LIMD1: variants seen among roughly 807,000 people sequenced by gnomAD.
LIMD1 encodes the protein LIM domain containing 1, also known as LIM domain-containing protein 1.
A neutral mutation model predicts 58.4 loss-of-function variants in LIMD1; 23 were observed. The observed-to-expected ratio is 0.39, with a 90% CI of 0.28 to 0.56. The LOEUF is 0.56. Ranked by LOEUF, LIMD1 falls within the 20% of genes least tolerant of loss-of-function variation. The probability of loss-of-function intolerance (pLI) is 0.57; values close to 1 mark genes in which losing one functional copy is unlikely to be tolerated. For synonymous variants in LIMD1, 334 were observed against 345.5 expected (o/e 0.97, Z 0.37); for missense variants, 838 against 855.5 (o/e 0.98, Z 0.25).
Position 45,672,792 on chromosome 3 carries a change from A to C in LIMD1, c.1744A>C (p.Lys582Gln), listed in dbSNP as rs1187951938. Residue 582 changes from lysine (K) to glutamine (Q), a missense_variant, in exon 5 of 8, where the codon AAG (lysine) becomes CAG (glutamine). Around this residue, in one of 3 missense-constraint regions of LIMD1, gnomAD observed 174 missense variants for 197.4 expected, o/e 0.88. Transcript: ENST00000273317. ...GCCCTTCACCGTGGACTCAGAGAAC[A>C]AGATCTACTGTGTCCGAGATTACCA... ...GVPFTVDSEN[K>Q]IYCVRDYHKV... is the part of the protein sequence containing the mutation. 1 of 1,614,022 alleles carries C rather than the reference A, an allele frequency of 6.2e-7. No homozygotes were observed. Among genetic ancestry groups the C allele is most frequent in the Non-Finnish European group, 8.5e-7 (1 of 1,179,954 alleles).
Position 45,672,818 on chromosome 3 carries a change from C to A in LIMD1, c.1770C>A (p.His590Gln), listed in dbSNP as rs763065171. The change falls in exon 5 of 8, where the codon CAC (histidine) becomes CAA (glutamine). Residue 590 changes from histidine to glutamine, a missense_variant and splice_region_variant. Around this residue, in one of 3 missense-constraint regions of LIMD1, gnomAD observed 174 missense variants for 197.4 expected, o/e 0.88. Transcript: ENST00000273317. ...ENKIYCVRDY[H>Q]KVLAPKCAAC... is the part of the protein sequence containing the mutation. ...AGATCTACTGTGTCCGAGATTACCACAAGTAAGAAGGGATGGGAGCAGACA... is the reference window on the plus strand; with the variant it reads ...AGATCTACTGTGTCCGAGATTACCAAAAGTAAGAAGGGATGGGAGCAGACA... 28 of 1,613,540 alleles carry A rather than the reference C, an allele frequency of 1.7e-5. No individual in the cohort carries two copies. Among genetic ancestry groups the A allele is most frequent in the Non-Finnish European group, 2.3e-5 (27 of 1,179,760 alleles).
At chr3:45,596,434 T>C (rs1701353396) in intron 1 of LIMD1, 147 bp downstream of exon 1, 2 of 672,258 alleles carry the variant, frequency 3.0e-6, no homozygotes, top group African/African-American at 1.8e-5. Context: ...GGGCTTCCTC[T>C]TTCAGCTGCT....
rs553774362 is a variant in LIMD1 at position 45,654,275 on chromosome 3, A to G, written c.1511-11375A>G. Among the ~76,000 whole-genome samples the G allele has an allele frequency of 5.3e-5, 8 of 151,494 alleles. No individual in the cohort carries two copies. The South Asian group carries it at 1.3e-3, about 25-fold the overall frequency. On this transcript the variant is annotated intron_variant, in intron 2 of 7. Coordinates refer to ENST00000273317, the MANE Select transcript of LIMD1 (RefSeq NM_014240.3). ...GGAAACCCTTGCATTTTTACTTCTC[A>G]GGGAGATATTTTGGAACTGAAATTT...
intron 1 of LIMD1, among the ~76,000 whole-genome samples, chr3:45,613,766 G>A (rs1304775658): frequency 6.6e-6 from 1 of 151,736 alleles, no homozygotes; most frequent in Non-Finnish European, 1.5e-5. Context: ...CTAAAGTGCT[G>A]GAATTATAGG....
rs546732734 is a variant in LIMD1 at position 45,656,664 on chromosome 3, C to T, written c.1511-8986C>T. ...TCCTGAGTAGCTGGGATTACAGGCA[C>T]GCACCACCACACCCAGCTGGTTTTT... is the stretch of plus-strand genomic sequence containing the variant. On this transcript the variant is annotated intron_variant, in intron 2 of 7. Coordinates refer to ENST00000273317, the MANE Select transcript of LIMD1 (RefSeq NM_014240.3). Among the ~76,000 whole-genome samples the T allele has an allele frequency of 5.6e-3, 858 of 152,096 alleles. 6 individuals are homozygous for T. The highest frequency in any genetic ancestry group is 0.02 in the African/African-American group (811 of 41,490).
chr3:45,625,008 T>C (rs61326571), intron 1 of LIMD1, among the ~76,000 whole-genome samples: 6,994 of 152,064 alleles, frequency 0.046, 193 homozygotes, highest in East Asian at 0.14. Flanking sequence ...GGGTAACTTA[T>C]TTCACGTGGA....
chr3:45,628,007 CAAAAAAA>C (rs56711723), intron 1 of LIMD1, among the ~76,000 whole-genome samples: 1 of 111,614 alleles, frequency 9.0e-6, no homozygotes, highest in African/African-American at 3.4e-5. Flanking sequence ...GACCCCATCT[CAAAAAAA>C]AAAAAGAAAA....
chr3:45,652,837 T>C (rs954111250), intron 2 of LIMD1, among the ~76,000 whole-genome samples: 1 of 152,228 alleles, frequency 6.6e-6, no homozygotes, highest in Non-Finnish European at 1.5e-5. Flanking sequence ...GGGTTGTCTC[T>C]GTGTGCAGTA....
chr3:45,626,966 T>A (rs940962812), intron 1 of LIMD1, among the ~76,000 whole-genome samples: 1 of 152,104 alleles, frequency 6.6e-6, no homozygotes, highest in African/African-American at 2.4e-5. Context: ...TATCATTTTT[T>A]AAAAATAATT....
rs1366790199 is a variant in LIMD1, at chr3:45,682,132, CTCATAG to C, written c.*5080_*5085del. The C allele has an allele frequency of 2.0e-5, 3 of 152,166 alleles. No individual in the cohort carries two copies. The East Asian group carries it at 5.8e-4, about 29-fold the overall frequency. 9.4% of individuals were successfully genotyped at this position (152,166 alleles called of 1,614,324 possible). On this transcript the variant is annotated 3_prime_UTR_variant, in exon 8 of 8. Transcript: ENST00000273317. ...CACGGGAAAGCTGGGAGTGAGGATA[CTCATAG>C]TCATAGCACCTTACACCAGAATAAA...
intron 1 of LIMD1, among the ~76,000 whole-genome samples, chr3:45,624,076 T>C (rs1199307459): frequency 6.6e-6 from 1 of 152,234 alleles, no homozygotes; most frequent in Non-Finnish European, 1.5e-5. Flanking sequence ...TGCCCAGAGC[T>C]GTCCAGGTAC....
intron 2 of LIMD1, among the ~76,000 whole-genome samples, chr3:45,642,744 A>G (rs915442071): frequency 3.9e-5 from 6 of 152,382 alleles, no homozygotes; most frequent in Middle Eastern, 6.8e-3. Context: ...CCCAGCCAGC[A>G]TCTTCGTGCA....
intron 2 of LIMD1, among the ~76,000 whole-genome samples, chr3:45,637,530 C>T (rs143861721): frequency 0.02 from 3,058 of 152,294 alleles, 106 homozygotes; most frequent in African/African-American, 0.069. Flanking sequence ...CCACCCACCT[C>T]GGCCTCCCAA....
At position 45,625,607 on chromosome 3, in the gene LIMD1, G is replaced by A. The variant is rs147697792; in HGVS notation, c.1409-10543G>A. ...ATCCCCAAGGCAACAGTGTTGAGAG[G>A]TGGGACCTTTAAGAGGTGATTAGGT... On this transcript the variant is annotated intron_variant, in intron 1 of 7. Coordinates refer to ENST00000273317, the MANE Select transcript of LIMD1 (RefSeq NM_014240.3). 3.9e-5 allele frequency among the ~76,000 whole-genome samples: 6 copies of A among 152,246 alleles called. No homozygotes were observed. The South Asian group carries it at 1.0e-3, about 26-fold the overall frequency.
intron 2 of LIMD1, among the ~76,000 whole-genome samples, chr3:45,648,791 T>C (rs899276324): frequency 0.021 from 2 of 94 alleles, no homozygotes; most frequent in African/African-American, 0.05. Context: ...TTGGATCTCA[T>C]TGTGGGTTTT....
chr3:45,597,105 C>T (rs1333003482), intron 1 of LIMD1, among the ~76,000 whole-genome samples: 1 of 152,102 alleles, frequency 6.6e-6, no homozygotes, highest in African/African-American at 2.4e-5. Context: ...CGTGATCCGC[C>T]CGCCTTGGCC....
At chr3:45,650,805 C>T (rs185429170) in intron 2 of LIMD1, among the ~76,000 whole-genome samples, 4 of 152,030 alleles carry the variant, frequency 2.6e-5, no homozygotes, top group African/African-American at 7.2e-5. Context: ...ATAACGTGTG[C>T]GTGTGTCTTT....
At position 45,679,294 on chromosome 3, in the gene LIMD1, G is replaced by A. The variant is rs972444278; in HGVS notation, c.*2235G>A. On this transcript the variant is annotated 3_prime_UTR_variant, in exon 8 of 8. Coordinates refer to ENST00000273317, the MANE Select transcript of LIMD1 (RefSeq NM_014240.3). ...AAAAAGGGAATTTCCAGATGTCCTAGAAATCCTAGCAACAGATTTCTCTGG... is the reference window on the plus strand; with the variant it reads ...AAAAAGGGAATTTCCAGATGTCCTAAAAATCCTAGCAACAGATTTCTCTGG... The A allele has an allele frequency of 6.6e-6, 1 of 152,162 alleles. No homozygotes were observed. Among genetic ancestry groups the A allele is most frequent in the African/African-American group, 2.4e-5 (1 of 41,440 alleles). The allele number at this position is 152,162 out of a possible 1,614,324, so 9.4% of individuals were successfully genotyped here. A position where few individuals can be genotyped will look rare whatever the true frequency, so the allele number is the denominator to read the frequency against.
rs1428607521 is a variant in LIMD1, at chr3:45,678,479, T to G, written c.*1420T>G. 6.6e-6 allele frequency: 1 copy of G among 152,378 alleles called. No homozygotes were observed. The highest frequency in any genetic ancestry group is 2.4e-5 in the African/African-American group (1 of 41,424). The allele number at this position is 152,378 out of a possible 1,614,324, so 9.4% of individuals were successfully genotyped here. ...AGGGAGGGCCACACACTGGCAAGAT[T>G]TCAAGACCACTCTCTGCACTGAAGA... On this transcript the variant is annotated 3_prime_UTR_variant, in exon 8 of 8. Transcript: ENST00000273317.
Sources: gnomAD v4.1 joint callset for allele counts (sites outside exome capture counted in the v4.1 genomes callset) on GRCh38, gnomAD v4.1.1 for gene constraint, gnomAD v4.1.1 regional missense constraint, MANE v1.5 for transcripts, NCBI Gene and HGNC (gene_info 2026-07-23, HGNC 2026-07-21) for gene names.